TSGA10: variants seen among roughly 807,000 people sequenced by gnomAD.
The protein encoded by TSGA10 is testis specific 10, also known as testis-specific gene 10 protein.
TSGA10 carries 43 observed loss-of-function variants against 96.6 expected under a neutral mutation model. That is an observed-to-expected ratio of 0.44 (90% CI 0.35 to 0.57). The LOEUF (loss-of-function observed/expected upper bound fraction) is 0.57. Among genes scored for constraint, TSGA10 ranks in the 20% least tolerant of loss-of-function variants. The pLI, the probability that TSGA10 is intolerant of heterozygous loss-of-function variation, is 0.01. For missense variants in TSGA10, 703 were observed against 834.4 expected, an observed-to-expected ratio of 0.84 and a Z score of 1.94; for synonymous variants, 229 against 269.9, an observed-to-expected ratio of 0.85 and a Z score of 1.48.
At chr2:99,127,224 G>C (rs2092874326) in intron 1 of TSGA10, 48 bp from the exon 2 acceptor site, 1 of 1,158,288 alleles carries the variant, frequency 8.6e-7, no homozygotes, top group Middle Eastern at 2.4e-4. Context: ...GTTTAAAACA[G>C]CTCTGTGATT....
intron 7 of TSGA10, among the ~76,000 whole-genome samples, chr2:99,105,986 T>G (rs2091299957): frequency 6.6e-6 from 1 of 152,240 alleles, no homozygotes; most frequent in Admixed American, 6.5e-5. Context: ...TATACTCCAT[T>G]TATTCATTTT....
intron 16 of TSGA10, among the ~76,000 whole-genome samples, chr2:99,041,264 A>G (rs1330119738): frequency 1.3e-5 from 2 of 152,224 alleles, no homozygotes; most frequent in Non-Finnish European, 2.9e-5. Context: ...TCCATCTGCA[A>G]TGGGCACCCT....
rs573479018 is a variant in TSGA10 at position 99,110,122 on chromosome 2, G to A, written c.-73-610C>T. Among the ~76,000 whole-genome samples the A allele has an allele frequency of 5.3e-5, 8 of 152,118 alleles. No homozygotes were observed. The East Asian group carries it at 1.2e-3, about 22-fold the overall frequency. ...GGAGGTTGTGGTGAGCCGAGAATGC[G>A]CCATTGCACTCCAGCCTGGGCAACA... is the stretch of plus-strand genomic sequence containing the variant. On this transcript the variant is annotated intron_variant, in intron 5 of 20. Transcript: ENST00000393483.
intron 17 of TSGA10, among the ~76,000 whole-genome samples, chr2:99,034,523 C>G (rs1054500313): frequency 3.3e-5 from 5 of 152,104 alleles, no homozygotes; most frequent in African/African-American, 1.2e-4. Flanking sequence ...AAAATTCGGG[C>G]TCTATCTCTC....
At chr2:99,019,056 A>T (rs2079782810) in intron 18 of TSGA10, among the ~76,000 whole-genome samples, 1 of 152,196 alleles carries the variant, frequency 6.6e-6, no homozygotes, top group Non-Finnish European at 1.5e-5. Flanking sequence ...ATATCTATTC[A>T]ACCAAGTGCC....
intron 10 of TSGA10, among the ~76,000 whole-genome samples, chr2:99,090,966 T>C (rs1015640948): frequency 3.3e-5 from 5 of 152,274 alleles, no homozygotes; most frequent in Non-Finnish European, 5.9e-5. Flanking sequence ...CCTAGGCACA[T>C]AGTCATCAGG....
chr2:99,026,907 A>G (rs1456946566), intron 17 of TSGA10, among the ~76,000 whole-genome samples: 1 of 152,194 alleles, frequency 6.6e-6, no homozygotes, highest in Non-Finnish European at 1.5e-5. Flanking sequence ...CAATTTTTCC[A>G]TGGACAGCAG....
chr2:99,133,966 T>C (rs1237128317), intron 1 of TSGA10, among the ~76,000 whole-genome samples: 1 of 152,238 alleles, frequency 6.6e-6, no homozygotes, highest in Non-Finnish European at 1.5e-5. Flanking sequence ...GTTAGTCTGA[T>C]AGGCTTCCCT....
rs770780076 is a variant in TSGA10 at position 99,090,414 on chromosome 2, G to A, written c.612-9017C>T. On this transcript the variant is annotated intron_variant, in intron 10 of 20. Transcript: ENST00000393483. ...ACCAGCAATGGATCCAAACCAAGAA[G>A]AAATCCCTTTTAGATTTCTTCTTGC... 1.1e-3 allele frequency among the ~76,000 whole-genome samples: 172 copies of A among 152,154 alleles called. 4 individuals carry two copies. The highest frequency in any genetic ancestry group is 4.0e-3 in the Admixed American group (61 of 15,280).
intron 11 of TSGA10, among the ~76,000 whole-genome samples, chr2:99,080,656 T>C (rs1005008468): frequency 4.6e-5 from 7 of 152,164 alleles, no homozygotes; most frequent in African/African-American, 1.7e-4. Context: ...ATCTACCTAG[T>C]TGGTTATACC....
At chr2:99,104,567 C>T (rs182168397) in intron 9 of TSGA10, among the ~76,000 whole-genome samples, 41 of 152,082 alleles carry the variant, frequency 2.7e-4, no homozygotes, top group African/African-American at 9.4e-4. Flanking sequence ...CTCCACCTCC[C>T]GGGTGCAAGC....
At chr2:99,058,932 G>C (rs2084309132) in intron 16 of TSGA10, among the ~76,000 whole-genome samples, 1 of 151,176 alleles carries the variant, frequency 6.6e-6, no homozygotes, top group African/African-American at 2.4e-5. Context: ...AGCTACTCAG[G>C]AGGCTGAGGC....
At chr2:99,093,937 A>G (rs1364041223) in intron 10 of TSGA10, among the ~76,000 whole-genome samples, 2 of 152,210 alleles carry the variant, frequency 1.3e-5, no homozygotes, top group African/African-American at 4.8e-5. Flanking sequence ...AAGAGCCCAC[A>G]TAGCCAAGGC....
intron 16 of TSGA10, among the ~76,000 whole-genome samples, chr2:99,062,321 AT>A (rs1487323745): frequency 6.6e-6 from 1 of 150,432 alleles, no homozygotes; most frequent in Non-Finnish European, 1.5e-5. Context: ...ATAACAAAGA[AT>A]TAATTATCAT....
intron 1 of TSGA10, chr2:99,140,995 A>T: frequency 9.7e-7 from 1 of 1,033,824 alleles, no homozygotes. Context: ...CGCACCCGCC[A>T]CTCCTGCCCG....
chr2:99,120,043 T>C (rs753625157), intron 2 of TSGA10, among the ~76,000 whole-genome samples: 1 of 152,166 alleles, frequency 6.6e-6, no homozygotes, highest in South Asian at 2.1e-4. Flanking sequence ...AAGCCTCTTA[T>C]ATAAGTTTAT....
chr2:99,009,934 T>A (rs1252748082), intron 20 of TSGA10, among the ~76,000 whole-genome samples: 1 of 152,232 alleles, frequency 6.6e-6, no homozygotes, highest in Non-Finnish European at 1.5e-5. Context: ...TAAAATTTTT[T>A]AAATAGTGAG....
At chr2:99,062,920 A>C (rs1573974973) in intron 16 of TSGA10, among the ~76,000 whole-genome samples, 1 of 152,344 alleles carries the variant, frequency 6.6e-6, no homozygotes, top group East Asian at 1.9e-4. Context: ...AATCTGATAC[A>C]TTTATTCTAA....
intron 1 of TSGA10, among the ~76,000 whole-genome samples, chr2:99,151,900 G>T (rs1404452459): frequency 1.3e-5 from 2 of 152,156 alleles, no homozygotes; most frequent in Admixed American, 6.5e-5. Flanking sequence ...CATTTTAAAA[G>T]AGGAAAGGGC....
Sources: gnomAD v4.1 joint callset for allele counts (sites outside exome capture counted in the v4.1 genomes callset) on GRCh38, gnomAD v4.1.1 for gene constraint, MANE v1.5 for transcripts, NCBI Gene and HGNC (gene_info 2026-07-23, HGNC 2026-07-21) for gene names.